PCDHGA1: variants seen among roughly 807,000 people sequenced by gnomAD.
PCDHGA1 encodes the protein protocadherin gamma subfamily A, 1.
Under a neutral mutation model 58.0 loss-of-function variants are expected in PCDHGA1, and 32 were observed. The ratio of observed to expected loss-of-function variants is 0.55; its 90% confidence interval spans 0.42 to 0.74. The LOEUF (loss-of-function observed/expected upper bound fraction) is 0.74, where lower values mean the gene tolerates loss of function less well. Among genes scored for constraint, PCDHGA1 ranks in the 30% least tolerant of loss-of-function variants. PCDHGA1 has a pLI of 0.00. For missense variants in PCDHGA1, 1,205 were observed against 1,182.3 expected, an observed-to-expected ratio of 1.02 and a Z score of -0.28; for synonymous variants, 498 against 501.1, an observed-to-expected ratio of 0.99 and a Z score of 0.08.
intron 1 of PCDHGA1, chr5:141,407,979 T>G: frequency 1.3e-6 from 1 of 748,940 alleles, no homozygotes; most frequent in Non-Finnish European, 2.0e-6. Context: ...ACGCCGGGGA[T>G]CCGTCAGCCT....
At chr5:141,388,261 T>C in intron 1 of PCDHGA1, 1 of 1,611,348 alleles carries the variant, frequency 6.2e-7, no homozygotes. Flanking sequence ...ATCGAGGACA[T>C]TAATGACCAC....
At chr5:141,364,099 G>A in intron 1 of PCDHGA1, 1 of 407,086 alleles carries the variant, frequency 2.5e-6, no homozygotes, top group African/African-American at 2.1e-5. Context: ...ATTTGATGCA[G>A]TCACTGGTTA....
chr5:141,451,809 A>C (rs1316571749), intron 1 of PCDHGA1, among the ~76,000 whole-genome samples: 1 of 150,308 alleles, frequency 6.7e-6, no homozygotes, highest in Non-Finnish European at 1.5e-5. Flanking sequence ...TGAACCCAGG[A>C]GGCGGAGGTT....
Position 141,491,075 on chromosome 5 carries a change from A to G in PCDHGA1, c.2422-3732A>G, listed in dbSNP as rs147291399. ...TGGCTCTCCTACTCACTGTTGCCAC[A>G]GTCCACAGCCCCAGGACTGTTCCTC... is the stretch of plus-strand genomic sequence containing the variant. On this transcript the variant is annotated intron_variant, in intron 1 of 3. Coordinates refer to ENST00000517417, the MANE Select transcript of PCDHGA1 (RefSeq NM_018912.3). This position sits in a 1 kb window ranked among gnomAD's most constrained non-coding sequence, Gnocchi z 6.9. 1.2e-6 allele frequency: 2 copies of G among 1,614,080 alleles called. No individual in the cohort carries two copies. Among genetic ancestry groups the G allele is most frequent in the Non-Finnish European group, 8.5e-7 (1 of 1,180,042 alleles).
At position 141,482,089 on chromosome 5, in the gene PCDHGA1, CAAA is replaced by C. The variant is rs36035257; in HGVS notation, c.2422-12704_2422-12702del. 2.7e-4 allele frequency among the ~76,000 whole-genome samples: 36 copies of C among 134,496 alleles called. No individual in the cohort carries two copies. The East Asian group carries it at 3.5e-3, about 13-fold the overall frequency. The allele number at this position is 134,496 out of a possible 152,430, so 88.2% of individuals were successfully genotyped here. On this transcript the variant is annotated intron_variant, in intron 1 of 3. Coordinates refer to ENST00000517417, the MANE Select transcript of PCDHGA1 (RefSeq NM_018912.3). ...AACAAGAACAAAACTCACTCCATCTCAAAAAAAAAAAAAAAATATCTAGAGATG... is the reference window on the plus strand; with the variant it reads ...AACAAGAACAAAACTCACTCCATCTCAAAAAAAAAAAAATATCTAGAGATG...
At position 141,473,311 on chromosome 5, in the gene PCDHGA1, A is replaced by G. The variant is rs139053997; in HGVS notation, c.2422-21496A>G. On this transcript the variant is annotated intron_variant, in intron 1 of 3. Coordinates refer to ENST00000517417, the MANE Select transcript of PCDHGA1 (RefSeq NM_018912.3). ...TCAGTAGCATAAAGATTGCTATATTAATAAGCATTAAGTGCCTGCTGTGCT... is the reference window on the plus strand; with the variant it reads ...TCAGTAGCATAAAGATTGCTATATTGATAAGCATTAAGTGCCTGCTGTGCT... Among the ~76,000 whole-genome samples, 1,321 of 152,342 alleles carry G rather than the reference A, an allele frequency of 8.7e-3. 28 individuals carry two copies. Among genetic ancestry groups the G allele is most frequent in the African/African-American group, 0.03 (1,236 of 41,582 alleles).
intron 1 of PCDHGA1, among the ~76,000 whole-genome samples, chr5:141,481,836 G>A (rs1435746995): frequency 2.7e-5 from 4 of 150,638 alleles, no homozygotes; most frequent in Non-Finnish European, 5.9e-5. Context: ...CAGGAGAATC[G>A]CTTGATGGTG....
intron 1 of PCDHGA1, chr5:141,355,561 G>A (rs754992757): frequency 5.0e-6 from 8 of 1,613,922 alleles, no homozygotes; most frequent in East Asian, 2.2e-5. Flanking sequence ...GCGGGTAGAG[G>A]TGGAAATAAT....
chr5:141,415,332 G>A (rs758125316), intron 1 of PCDHGA1: 1 of 1,614,214 alleles, frequency 6.2e-7, no homozygotes, highest in South Asian at 1.1e-5. Context: ...TGGCGCACAG[G>A]CTGCGGCGCT....
At chr5:141,366,448 C>T (rs758717804) in intron 1 of PCDHGA1, 3 of 1,614,124 alleles carry the variant, frequency 1.9e-6, no homozygotes, top group South Asian at 1.1e-5. Flanking sequence ...TCTTCCTGGC[C>T]TTCGTCATCG....
At chr5:141,460,438 T>A (rs1035541143) in intron 1 of PCDHGA1, among the ~76,000 whole-genome samples, 16 of 152,172 alleles carry the variant, frequency 1.1e-4, no homozygotes, top group African/African-American at 3.1e-4. Flanking sequence ...TGGTGTGAGG[T>A]AACAATGAAG....
intron 1 of PCDHGA1, chr5:141,364,350 G>A: frequency 6.5e-7 from 1 of 1,550,364 alleles, no homozygotes; most frequent in Non-Finnish European, 8.7e-7. Flanking sequence ...CCACCTAGGG[G>A]CTGGGGCTGC....
chr5:141,500,173 T>G (rs1666567886), intron 2 of PCDHGA1, among the ~76,000 whole-genome samples: 1 of 149,340 alleles, frequency 6.7e-6, no homozygotes, highest in East Asian at 1.9e-4. Context: ...ATGCATGAGC[T>G]TCATTTTTAT....
intron 1 of PCDHGA1, chr5:141,374,920 T>A: frequency 1.1e-5 from 17 of 1,613,964 alleles, no homozygotes; most frequent in Non-Finnish European, 1.4e-5. Context: ...AAGTAACTTA[T>A]TCCTTTGTGA....
chr5:141,408,346 G>T (rs1248648378), intron 1 of PCDHGA1: 1 of 1,613,824 alleles, frequency 6.2e-7, no homozygotes, highest in African/African-American at 1.3e-5. Context: ...CGGTGGTGGG[G>T]AACCTCGCTA....
At chr5:141,393,102 G>C (rs768432261) in intron 1 of PCDHGA1, 2 of 1,613,568 alleles carry the variant, frequency 1.2e-6, no homozygotes, top group Non-Finnish European at 1.7e-6. Context: ...GGAGCTCTGC[G>C]CTCAGAGCCC....
At chr5:141,423,091 G>C (rs1243671863) in intron 1 of PCDHGA1, 11 of 1,613,908 alleles carry the variant, frequency 6.8e-6, no homozygotes, top group South Asian at 2.2e-5. Context: ...CGCGGTGGGG[G>C]AGCACACGGG....
Position 141,485,818 on chromosome 5 carries a change from C to A in PCDHGA1, c.2422-8989C>A, listed in dbSNP as rs757848513. The A allele has an allele frequency of 1.2e-6, 2 of 1,613,910 alleles. No individual in the cohort carries two copies. The highest frequency in any genetic ancestry group is 1.7e-6 in the Non-Finnish European group (2 of 1,179,974). On this transcript the variant is annotated intron_variant, in intron 1 of 3. Transcript: ENST00000517417. The surrounding 1 kb of genome is among the most constrained non-coding windows in gnomAD (Gnocchi z 5.7). ...ACTACCGCCTGGTGCTGACTGCTGT[C>A]GATGGAGGGAACCCGCCGAGATCTG...
In PCDHGA1 at chr5:141,491,149, G is replaced by T; in HGVS notation, c.2422-3658G>T. 6.8e-6 allele frequency: 11 copies of T among 1,614,152 alleles called. No homozygotes were observed. The highest frequency in any genetic ancestry group is 9.3e-6 in the Non-Finnish European group (11 of 1,180,010). On this transcript the variant is annotated intron_variant, in intron 1 of 3. Transcript: ENST00000517417. This position sits in a 1 kb window ranked among gnomAD's most constrained non-coding sequence, Gnocchi z 6.9. ...GCGCACAGCCCGGGCCTTACTGGAGGATGACTCTGACACCCAGCAGGTGGT... is the reference window on the plus strand; with the variant it reads ...GCGCACAGCCCGGGCCTTACTGGAGTATGACTCTGACACCCAGCAGGTGGT...
Sources: allele counts gnomAD v4.1 joint callset (sites outside exome capture counted in the v4.1 genomes callset), GRCh38; gene constraint gnomAD v4.1.1; non-coding constraint Gnocchi (gnomAD v3.1); transcripts MANE v1.5; gene names NCBI Gene and HGNC (gene_info 2026-07-23, HGNC 2026-07-21).